Variants in GRID2 observed in about 807,000 individuals in gnomAD.
The protein encoded by GRID2 is glutamate ionotropic receptor delta type subunit 2.
Under a neutral mutation model 114.8 loss-of-function variants are expected in GRID2, and 33 were observed. The ratio of observed to expected loss-of-function variants is 0.29; its 90% CI spans 0.22 to 0.38. GRID2 has a LOEUF of 0.38. Among genes scored for constraint, GRID2 ranks in the 10% least tolerant of loss-of-function variants. The probability of loss-of-function intolerance (pLI) is 1.00; values close to 1 mark genes in which losing one functional copy is unlikely to be tolerated. For synonymous variants in GRID2, 505 were observed against 449.9 expected, an observed-to-expected ratio of 1.12 and a Z score of -1.55; for missense variants, 1,184 against 1,257.7, an observed-to-expected ratio of 0.94 and a Z score of 0.89.
intron 11 of GRID2, among the ~76,000 whole-genome samples, chr4:93,465,015 A>G (rs1206631908): frequency 6.6e-6 from 1 of 152,202 alleles, no homozygotes. Context: ...TTAAACAAGA[A>G]TTATTTAACT....
intron 14 of GRID2, among the ~76,000 whole-genome samples, chr4:93,684,139 C>A (rs1411994601): frequency 6.6e-6 from 1 of 152,074 alleles, no homozygotes; most frequent in Non-Finnish European, 1.5e-5. Flanking sequence ...TATTAGTTAT[C>A]TTTGGATAAT....
intron 1 of GRID2, among the ~76,000 whole-genome samples, chr4:92,382,084 A>G (rs576248198): frequency 6.5e-4 from 99 of 152,076 alleles, no homozygotes; most frequent in African/African-American, 2.2e-3. Flanking sequence ...AGATATGTCC[A>G]CATGTTAGAG....
chr4:93,542,837 A>T (rs1423503809), intron 13 of GRID2, among the ~76,000 whole-genome samples: 1 of 152,130 alleles, frequency 6.6e-6, no homozygotes, highest in Non-Finnish European at 1.5e-5. Context: ...GTAAAATTTA[A>T]ATTCCTCTCT....
intron 13 of GRID2, among the ~76,000 whole-genome samples, chr4:93,575,169 G>A (rs1182021547): frequency 6.6e-6 from 1 of 152,162 alleles, no homozygotes. Context: ...CACAGCCAAT[G>A]TGTGAGGTGA....
intron 2 of GRID2, among the ~76,000 whole-genome samples, chr4:93,028,682 C>T (rs765722709): frequency 6.6e-6 from 1 of 151,928 alleles, no homozygotes; most frequent in Non-Finnish European, 1.5e-5. Context: ...GTAAGCCCTA[C>T]ATTCGCTTTG....
chr4:92,620,706 A>G (rs1162936873), intron 2 of GRID2, among the ~76,000 whole-genome samples: 1 of 151,490 alleles, frequency 6.6e-6, no homozygotes, highest in Non-Finnish European at 1.5e-5. Flanking sequence ...AGGGAGCCAG[A>G]TTAGTCAACT....
intron 2 of GRID2, among the ~76,000 whole-genome samples, chr4:92,847,125 G>A (rs543986293): frequency 1.3e-5 from 2 of 152,156 alleles, no homozygotes; most frequent in South Asian, 4.1e-4. Context: ...CTAAACATAT[G>A]GAAACTCTTT....
chr4:92,784,293 C>T (rs1247968515), intron 2 of GRID2, among the ~76,000 whole-genome samples: 1 of 151,822 alleles, frequency 6.6e-6, no homozygotes, highest in East Asian at 1.9e-4. Flanking sequence ...TAATGCATGT[C>T]CATTTTTATT....
chr4:92,363,011 GA>G (rs1560587415), intron 1 of GRID2, among the ~76,000 whole-genome samples: 1 of 151,762 alleles, frequency 6.6e-6, no homozygotes, highest in East Asian at 1.9e-4. Context: ...AGAGAGAGGA[GA>G]AAAAAAACTT....
intron 14 of GRID2, among the ~76,000 whole-genome samples, chr4:93,645,795 T>C (rs565670230): frequency 1.5e-4 from 23 of 152,314 alleles, no homozygotes; most frequent in Non-Finnish European, 3.1e-4. Context: ...TTTTGTTAAT[T>C]AATCATTTCT....
chr4:93,454,220 A>G (rs985035915), intron 10 of GRID2, among the ~76,000 whole-genome samples: 4 of 152,090 alleles, frequency 2.6e-5, no homozygotes, highest in Admixed American at 2.0e-4. Flanking sequence ...TACAGTTTAA[A>G]CAGCAAAATT....
chr4:93,339,811 G>A (rs780461519), intron 8 of GRID2, among the ~76,000 whole-genome samples: 1 of 152,118 alleles, frequency 6.6e-6, no homozygotes, highest in Non-Finnish European at 1.5e-5. Flanking sequence ...AATCATGGTG[G>A]AAGGCGAAGG....
chr4:92,531,524 T>C (rs1448206895), intron 1 of GRID2, among the ~76,000 whole-genome samples: 1 of 152,048 alleles, frequency 6.6e-6, no homozygotes, highest in East Asian at 1.9e-4. Context: ...GCTAAGATGA[T>C]GTTACAAAAA....
chr4:93,012,743 C>T (rs1722308625), intron 2 of GRID2, among the ~76,000 whole-genome samples: 1 of 151,812 alleles, frequency 6.6e-6, no homozygotes, highest in Non-Finnish European at 1.5e-5. Context: ...ATGAAATTGC[C>T]TTTAAATAGT....
intron 1 of GRID2, among the ~76,000 whole-genome samples, chr4:92,474,739 T>G (rs1722211694): frequency 6.6e-6 from 1 of 152,032 alleles, no homozygotes; most frequent in Non-Finnish European, 1.5e-5. Context: ...TGGATTTGCT[T>G]TTCTGTGAGG....
chr4:92,921,031 G>A (rs1443799716), intron 2 of GRID2, among the ~76,000 whole-genome samples: 1 of 152,056 alleles, frequency 6.6e-6, no homozygotes, highest in Non-Finnish European at 1.5e-5. Context: ...ATATTTCTTG[G>A]AGGCTTTGTT....
chr4:93,773,622 T>C lies in GRID2; in HGVS notation c.*1124T>C, dbSNP rs1406938703. On this transcript the variant is annotated 3_prime_UTR_variant, in exon 16 of 16. Coordinates refer to ENST00000282020, the MANE Select transcript of GRID2 (RefSeq NM_001510.4). The stretch of plus-strand genomic sequence containing the variant: ...AACAGCACATAGAGCTCTAGAAGAG[T>C]TGAAACATAGATCATTGAAGGTTAA... The C allele has an allele frequency of 1.3e-5, 2 of 151,954 alleles. No homozygotes were observed. The highest frequency in any genetic ancestry group is 2.4e-5 in the African/African-American group (1 of 41,378). The allele number at this position is 151,954 out of a possible 1,614,324, so 9.4% of individuals were successfully genotyped here.
At chr4:93,159,444 TTCA>T (rs2149405722) in intron 4 of GRID2, among the ~76,000 whole-genome samples, 2 of 151,914 alleles carry the variant, frequency 1.3e-5, no homozygotes, top group East Asian at 3.9e-4. Context: ...AGGATGCTCC[TTCA>T]TCATGCCTAT....
At chr4:93,507,238 C>A (rs1477830839) in intron 12 of GRID2, among the ~76,000 whole-genome samples, 1 of 152,136 alleles carries the variant, frequency 6.6e-6, no homozygotes, top group Non-Finnish European at 1.5e-5. Context: ...GATACCTTTA[C>A]ATTTCACCAG....
Sources: allele counts gnomAD v4.1 joint callset (sites outside exome capture counted in the v4.1 genomes callset), GRCh38; gene constraint gnomAD v4.1.1; transcripts MANE v1.5; gene names NCBI Gene and HGNC (gene_info 2026-07-23, HGNC 2026-07-21).